FLT4: variants seen among roughly 807,000 people sequenced by gnomAD.
FLT4 encodes fms related receptor tyrosine kinase 4.
Under a neutral mutation model 163.2 loss-of-function variants are expected in FLT4, and 30 were observed. The ratio of observed to expected loss-of-function variants is 0.18; its 90% confidence interval spans 0.14 to 0.25. The LOEUF is 0.25. Among genes scored for constraint, FLT4 ranks in the 10% least tolerant of loss-of-function variants. The pLI, the probability that FLT4 is intolerant of heterozygous loss-of-function variation, is 1.00. For synonymous variants in FLT4, 884 were observed against 789.5 expected (o/e 1.12, Z -2.01); for missense variants, 1,510 against 1,863.8 (o/e 0.81, Z 3.50).
intron 29 of FLT4, among the ~76,000 whole-genome samples, chr5:180,605,327 G>A (rs1397358246): frequency 6.6e-6 from 1 of 152,098 alleles, no homozygotes; most frequent in Non-Finnish European, 1.5e-5. Context: ...TCATCACATT[G>A]TCCGTCCATT....
upstream of FLT4, chr5:180,649,646 G>T: frequency 2.1e-6 from 1 of 466,302 alleles, no homozygotes; most frequent in Middle Eastern, 8.4e-4. Flanking sequence ...GGGCGGGGCG[G>T]GGGCCGGAGG....
In FLT4 at chr5:180,620,255, C is replaced by G. The variant is rs751831615; in HGVS notation, c.2460G>C (p.Gly820=). 1 of 1,612,066 alleles carries G rather than the reference C, an allele frequency of 6.2e-7. No homozygotes were observed. Among genetic ancestry groups the G allele is most frequent in the South Asian group, 1.1e-5 (1 of 91,082 alleles). The change falls in exon 17 of 30, where the codon GGG becomes GGC. Residue 820 remains glycine (G), a synonymous_variant. Coordinates refer to ENST00000261937, the MANE Select transcript of FLT4 (RefSeq NM_182925.5). The surrounding 1 kb of genome is among the most constrained non-coding windows in gnomAD (Gnocchi z 4.4). The part of the protein sequence containing the change: ...TGYLSIIMDP[G]EVPLEEQCEY... Reference sequence around the variant, plus strand: ...CGCATTGCTCCTCCAGAGGCACCTCCCCGGGGTCCATGATGATGGACAGGT... The same window carrying G: ...CGCATTGCTCCTCCAGAGGCACCTCGCCGGGGTCCATGATGATGGACAGGT...
chr5:180,621,468 C>T, intron 13 of FLT4, 74 bp downstream of exon 13: 2 of 1,576,892 alleles, frequency 1.3e-6, no homozygotes, highest in Admixed American at 1.7e-5. Flanking sequence ...AGGGGCGAGC[C>T]ACGCCGGGGC....
rs144713414 is a variant in FLT4, at chr5:180,612,524, G to A, written c.3519C>T (p.Leu1173=). The stretch of plus-strand genomic sequence containing the variant: ...GGCTCACTTGCAGGCCCCTGCCCTG[G>A]AGCAGGTCCCCCAGGATCTCCACCA... The part of the protein sequence containing the change: ...SELVEILGDL[L]QGRGLQEEEE... The change falls in exon 26 of 30, where the codon CTC becomes CTT. Residue 1173 remains leucine, a synonymous_variant. Coordinates refer to ENST00000261937, the MANE Select transcript of FLT4 (RefSeq NM_182925.5). 8.7e-6 allele frequency: 14 copies of A among 1,613,716 alleles called. No individual in the cohort carries two copies. In the African/African-American group the frequency reaches 1.5e-4, roughly 17 times the overall value.
At position 180,631,729 on chromosome 5, in the gene FLT4, C is replaced by A; in HGVS notation, c.108G>T (p.Glu36Asp). 6.2e-7 allele frequency: 1 copy of A among 1,610,970 alleles called. No individual in the cohort carries two copies. The highest frequency in any genetic ancestry group is 8.5e-7 in the Non-Finnish European group (1 of 1,179,944). Residue 36 changes from glutamate to aspartate, a missense_variant, in exon 2 of 30, where the codon GAG (glutamate) becomes GAT (aspartate). By Grantham distance (45) the Glu-to-Asp change is conservative. This residue lies in a region of FLT4 where 157 missense variants were observed against 178.7 expected (regional missense o/e 0.88). Coordinates refer to ENST00000261937, the MANE Select transcript of FLT4 (RefSeq NM_182925.5). ...CACCGGTGTCGATGACGTGTGACTC[C>A]TCCGTGATGTTCAAGGTCGGGGGGG... ...SMTPPTLNIT[E>D]ESHVIDTGDS... is the part of the protein sequence containing the mutation.
intron 29 of FLT4, among the ~76,000 whole-genome samples, chr5:180,604,536 T>C (rs1761687048): frequency 6.6e-6 from 1 of 152,118 alleles, no homozygotes; most frequent in Non-Finnish European, 1.5e-5. Context: ...TATGTCATTC[T>C]CCTCCTGACA....
intron 21 of FLT4, among the ~76,000 whole-genome samples, chr5:180,617,898 A>C (rs777115627): frequency 1.7e-3 from 100 of 57,648 alleles, no homozygotes; most frequent in Non-Finnish European, 2.0e-3. Context: ...CTCTCCTGCC[A>C]CTCAGCCTCT....
chr5:180,625,788 G>C (rs1763554222), intron 10 of FLT4, 81 bp downstream of exon 10: 6 of 1,314,616 alleles, frequency 4.6e-6, no homozygotes, highest in South Asian at 1.2e-5. Context: ...GGGCAGTGAG[G>C]GGTGCTGTAA....
chr5:180,618,361 C>T (rs1447887751), intron 21 of FLT4, among the ~76,000 whole-genome samples: 1,177 of 87,920 alleles, frequency 0.013, 46 homozygotes, highest in Non-Finnish European at 0.019. Context: ...CCCTCAGCCT[C>T]TGGGACACCC....
intron 23 of FLT4, 144 bp from the exon 24 acceptor site, chr5:180,614,323 G>A: frequency 1.7e-6 from 1 of 605,386 alleles, no homozygotes; most frequent in Non-Finnish European, 3.0e-6. Context: ...TGGATGGGAA[G>A]AGAGGGCTGA....
Position 180,609,081 on chromosome 5 carries a change from G to A in FLT4, c.3808-28C>T. 3.1e-6 allele frequency: 5 copies of A among 1,602,508 alleles called. No homozygotes were observed. In the Admixed American group the frequency reaches 6.7e-5, roughly 21 times the overall value. ...GTGTGGAGAGGACAAGCCAGGCTGT[G>A]GGTCCCGCCTGAGGCCCTCCTGCAG... is the stretch of plus-strand genomic sequence containing the variant. On this transcript the variant is annotated intron_variant, in intron 28 of 29. Coordinates refer to ENST00000261937, the MANE Select transcript of FLT4 (RefSeq NM_182925.5).
intron 1 of FLT4, among the ~76,000 whole-genome samples, chr5:180,640,363 C>G (rs935480132): frequency 2.0e-5 from 3 of 152,214 alleles, no homozygotes; most frequent in Non-Finnish European, 4.4e-5. Context: ...GAGTCCAGGT[C>G]GGTCCCTGCC....
Position 180,630,540 on chromosome 5 carries a change from G to T in FLT4, c.400+15C>A. 1 of 1,612,542 alleles carries T rather than the reference G, an allele frequency of 6.2e-7. No individual in the cohort carries two copies. The highest frequency in any genetic ancestry group is 8.5e-7 in the Non-Finnish European group (1 of 1,179,866). Reference sequence around the variant, plus strand: ...CCGGGACCCTGCTCCAGCCTGGCCCGCCTCCAAGTCTCACCTCTCACGAAC... The same window carrying T: ...CCGGGACCCTGCTCCAGCCTGGCCCTCCTCCAAGTCTCACCTCTCACGAAC... On this transcript the variant is annotated intron_variant, in intron 3 of 29. Coordinates refer to ENST00000261937, the MANE Select transcript of FLT4 (RefSeq NM_182925.5). The surrounding 1 kb of genome is among the most constrained non-coding windows in gnomAD (Gnocchi z 6.3).
intron 1 of FLT4, among the ~76,000 whole-genome samples, chr5:180,639,370 A>AGTGGATGG (rs1764926800): frequency 2.1e-5 from 1 of 46,800 alleles, no homozygotes; most frequent in African/African-American, 5.6e-5. Flanking sequence ...CAGGTAGATG[A>AGTGGATGG]GTGGATGGGT....
rs382266 is a variant in FLT4, at chr5:180,620,412, T to C, written c.2407-104A>G. ...AGGACAGATGGCACTTCCTGCGGGG[T>C]TCTCAGTCAAGGAGGGGACAGAAAA... On this transcript the variant is annotated intron_variant, in intron 16 of 29. Coordinates refer to ENST00000261937, the MANE Select transcript of FLT4 (RefSeq NM_182925.5). This position sits in a 1 kb window ranked among gnomAD's most constrained non-coding sequence, Gnocchi z 4.4. 1,323,606 of 1,443,676 alleles carry C rather than the reference T, an allele frequency of 0.92. 610,074 individuals are homozygous for C. The highest frequency in any genetic ancestry group is 0.94 in the Non-Finnish European group (976,248 of 1,035,242). 89.4% of individuals were successfully genotyped at this position (1,443,676 alleles called of 1,614,324 possible). A position where few individuals can be genotyped will look rare whatever the true frequency, so the allele number is the denominator to read the frequency against.
chr5:180,622,303 C>A (rs935231640), intron 12 of FLT4, among the ~76,000 whole-genome samples: 11 of 141,784 alleles, frequency 7.8e-5, no homozygotes, highest in Non-Finnish European at 3.1e-5. Flanking sequence ...TCTGCTGGTG[C>A]CCTGATCTAC....
chr5:180,640,555 GC>G (rs1342263602), intron 1 of FLT4, among the ~76,000 whole-genome samples: 3 of 152,262 alleles, frequency 2.0e-5, no homozygotes, highest in Non-Finnish European at 4.4e-5. Context: ...CCTCCTTGGG[GC>G]CTGGCCTCCA....
In FLT4 at chr5:180,620,352, G is replaced by A; in HGVS notation, c.2407-44C>T. 6.2e-7 allele frequency: 1 copy of A among 1,606,318 alleles called. No homozygotes were observed. The highest frequency in any genetic ancestry group is 8.5e-7 in the Non-Finnish European group (1 of 1,179,382). On this transcript the variant is annotated intron_variant, in intron 16 of 29. Coordinates refer to ENST00000261937, the MANE Select transcript of FLT4 (RefSeq NM_182925.5). The surrounding 1 kb of genome is among the most constrained non-coding windows in gnomAD (Gnocchi z 4.4). The stretch of plus-strand genomic sequence containing the variant: ...GAGGAGTGGGGCAGCTCACTGATTT[G>A]GCCATACCACTGTGGCTTGGGCAGA...
intron 28 of FLT4, chr5:180,609,696 G>T (rs1204618910): frequency 3.4e-6 from 2 of 587,324 alleles, no homozygotes; most frequent in Non-Finnish European, 6.1e-6. Context: ...GGCCTCGTGT[G>T]GGGGTGACGA....
Sources: allele counts gnomAD v4.1 joint callset (sites outside exome capture counted in the v4.1 genomes callset), GRCh38; gene constraint gnomAD v4.1.1; regional missense constraint gnomAD v4.1.1; non-coding constraint Gnocchi (gnomAD v3.1); transcripts MANE v1.5; gene names NCBI Gene and HGNC (gene_info 2026-07-23, HGNC 2026-07-21).